The following KIF26B variants were observed in gnomAD, a reference collection of about 807,000 sequenced individuals.
KIF26B encodes kinesin-like protein KIF26B.
KIF26B carries 63 observed loss-of-function variants against 151.2 expected under a neutral mutation model. The observed-to-expected ratio is 0.42, with a 90% CI of 0.34 to 0.51. The LOEUF (loss-of-function observed/expected upper bound fraction) is 0.51. Ranked by LOEUF, KIF26B falls within the 20% of genes least tolerant of loss-of-function variation. The probability of loss-of-function intolerance (pLI) is 0.07; values close to 1 mark genes in which losing one functional copy is unlikely to be tolerated. For missense variants in KIF26B, 2,813 were observed against 2,913.6 expected (o/e 0.97, Z 0.79); for synonymous variants, 1,357 against 1,262.1 (o/e 1.08, Z -1.59).
Position 245,531,362 on chromosome 1 carries a change from TGA to T in KIF26B, c.1167-9401_1167-9400del, listed in dbSNP as rs141904683. Reference sequence around the variant, plus strand: ...GAAACACGAATGCAAGTCCCAGGTCTGAGAGTCAGCAGCCCTGTGGCCATGGC... The same window carrying T: ...GAAACACGAATGCAAGTCCCAGGTCTGAGTCAGCAGCCCTGTGGCCATGGC... On this transcript the variant is annotated intron_variant, in intron 4 of 14. Coordinates refer to ENST00000407071, the MANE Select transcript of KIF26B (RefSeq NM_018012.4). Among the ~76,000 whole-genome samples the T allele has an allele frequency of 1.8e-3, 273 of 152,320 alleles. 3 individuals are homozygous for T. Among genetic ancestry groups the T allele is most frequent in the East Asian group, 0.018 (92 of 5,188 alleles).
chr1:245,311,914 A>C (rs2102982705), intron 2 of KIF26B, among the ~76,000 whole-genome samples: 1 of 152,354 alleles, frequency 6.6e-6, no homozygotes, highest in Admixed American at 6.5e-5. Context: ...TGGGCGACAG[A>C]GCAAGACTCC....
chr1:245,393,699 C>G (rs1294380719), intron 3 of KIF26B, among the ~76,000 whole-genome samples: 2 of 152,178 alleles, frequency 1.3e-5, no homozygotes, highest in African/African-American at 2.4e-5. Flanking sequence ...CTTCTAATTT[C>G]CAGCTTGCTG....
intron 2 of KIF26B, among the ~76,000 whole-genome samples, chr1:245,165,536 G>A (rs978688320): frequency 2.0e-5 from 3 of 152,174 alleles, no homozygotes; most frequent in Admixed American, 6.5e-5. Flanking sequence ...GGATGTCAGC[G>A]TAGAGAAGGT....
intron 12 of KIF26B, among the ~76,000 whole-genome samples, chr1:245,696,163 G>C (rs1280221480): frequency 2.0e-5 from 3 of 152,262 alleles, no homozygotes; most frequent in African/African-American, 7.2e-5. Context: ...AGTGAGGTAA[G>C]GCAGAGTGAT....
chr1:245,679,749 G>A (rs894163733), intron 10 of KIF26B, among the ~76,000 whole-genome samples: 3 of 152,296 alleles, frequency 2.0e-5, no homozygotes, highest in East Asian at 1.9e-4. Context: ...GATTACAGGC[G>A]TGAGCCACGG....
At chr1:245,547,651 TCTG>T (rs1661778095) in intron 5 of KIF26B, among the ~76,000 whole-genome samples, 3 of 151,928 alleles carry the variant, frequency 2.0e-5, no homozygotes, top group East Asian at 1.9e-4. Context: ...CACCTTTAAT[TCTG>T]CTGATGAGGG....
At chr1:245,215,260 C>T (rs1017599995) in intron 2 of KIF26B, among the ~76,000 whole-genome samples, 1 of 152,122 alleles carries the variant, frequency 6.6e-6, no homozygotes, top group Non-Finnish European at 1.5e-5. Flanking sequence ...GGGCCCGGCT[C>T]CTTGGTGACC....
At chr1:245,586,811 G>A (rs1171299039) in intron 5 of KIF26B, among the ~76,000 whole-genome samples, 2 of 151,294 alleles carry the variant, frequency 1.3e-5, no homozygotes, top group Non-Finnish European at 2.9e-5. Flanking sequence ...GCGTGAACCC[G>A]GGAAGCGGAG....
intron 2 of KIF26B, among the ~76,000 whole-genome samples, chr1:245,199,553 A>G (rs973697275): frequency 6.7e-6 from 1 of 150,338 alleles, no homozygotes; most frequent in East Asian, 2.0e-4. Flanking sequence ...ATCTTGGCTC[A>G]CTGCAACCTC....
intron 2 of KIF26B, among the ~76,000 whole-genome samples, chr1:245,313,908 C>CT (rs1671711821): frequency 6.6e-6 from 1 of 152,180 alleles, no homozygotes; most frequent in South Asian, 2.1e-4. Flanking sequence ...CCAGTCTCTT[C>CT]TTTCATGGCA....
intron 4 of KIF26B, among the ~76,000 whole-genome samples, chr1:245,460,301 G>C (rs970138024): frequency 6.6e-6 from 1 of 151,970 alleles, no homozygotes; most frequent in African/African-American, 2.4e-5. Context: ...TTTTGTTTTT[G>C]TTTTTCCAGA....
At chr1:245,222,563 G>C (rs1669796428) in intron 2 of KIF26B, among the ~76,000 whole-genome samples, 1 of 152,086 alleles carries the variant, frequency 6.6e-6, no homozygotes, top group South Asian at 2.1e-4. Flanking sequence ...TCTCAAAATA[G>C]AGCAGCCTTA....
chr1:245,354,697 G>A (rs1672645195), intron 2 of KIF26B, among the ~76,000 whole-genome samples: 1 of 152,174 alleles, frequency 6.6e-6, no homozygotes, highest in African/African-American at 2.4e-5. Context: ...CAGCTACAAC[G>A]GAAGAGAGCA....
At chr1:245,661,796 C>T (rs1430188270) in intron 10 of KIF26B, among the ~76,000 whole-genome samples, 1 of 149,786 alleles carries the variant, frequency 6.7e-6, no homozygotes, top group Non-Finnish European at 1.5e-5. Context: ...CACATACACA[C>T]ACACAATATA....
intron 2 of KIF26B, among the ~76,000 whole-genome samples, chr1:245,160,866 C>T (rs2103517289): frequency 6.6e-6 from 1 of 152,268 alleles, no homozygotes; most frequent in South Asian, 2.1e-4. Flanking sequence ...TAAGTCTAGA[C>T]TTGAGGAGAT....
chr1:245,420,209 C>G (rs575804550), intron 4 of KIF26B, among the ~76,000 whole-genome samples: 2 of 152,198 alleles, frequency 1.3e-5, no homozygotes, highest in Non-Finnish European at 2.9e-5. Context: ...CAGGTTTTCT[C>G]CCCCGCTTCT....
chr1:245,162,913 A>G (rs554146298), intron 2 of KIF26B, among the ~76,000 whole-genome samples: 1 of 152,302 alleles, frequency 6.6e-6, no homozygotes, highest in East Asian at 1.9e-4. Context: ...GTATTTAAAT[A>G]GTGTCCTTTT....
At chr1:245,558,135 G>A (rs1208588496) in intron 5 of KIF26B, among the ~76,000 whole-genome samples, 1 of 152,080 alleles carries the variant, frequency 6.6e-6, no homozygotes, top group Non-Finnish European at 1.5e-5. Flanking sequence ...GACTCTGTAG[G>A]GGACTGAGCT....
chr1:245,648,619 T>TGAG (rs2043979008), intron 10 of KIF26B, among the ~76,000 whole-genome samples: 1 of 148,902 alleles, frequency 6.7e-6, no homozygotes, highest in African/African-American at 2.5e-5. Context: ...GGCAACAGAG[T>TGAG]GAGACCCTGT....
Sources: gnomAD v4.1 joint callset for allele counts (sites outside exome capture counted in the v4.1 genomes callset) on GRCh38, gnomAD v4.1.1 for gene constraint, MANE v1.5 for transcripts, NCBI Gene and HGNC (gene_info 2026-07-23, HGNC 2026-07-21) for gene names.